The following GNAI1 variants were observed in gnomAD, a reference collection of about 807,000 sequenced individuals.
GNAI1 encodes guanine nucleotide-binding protein G(i) subunit alpha-1.
GNAI1 carries 11 observed loss-of-function variants against 38.9 expected under a neutral mutation model. The observed-to-expected ratio is 0.28, with a 90% CI of 0.18 to 0.47. The LOEUF is 0.47. Among genes scored for constraint, GNAI1 ranks in the 20% least tolerant of loss-of-function variants. GNAI1 has a pLI of 0.99. For missense variants in GNAI1, 317 were observed against 436.9 expected, an observed-to-expected ratio of 0.73 and a Z score of 2.45; for synonymous variants, 166 against 145.1, an observed-to-expected ratio of 1.14 and a Z score of -1.04.
In GNAI1 at chr7:80,218,555, T is replaced by A. The variant is rs544386672; in HGVS notation, c.*1062T>A. 6.6e-6 allele frequency: 1 copy of A among 152,144 alleles called. No individual in the cohort carries two copies. Among genetic ancestry groups the A allele is most frequent in the Non-Finnish European group, 1.5e-5 (1 of 67,994 alleles). The allele number at this position is 152,144 out of a possible 1,614,324, so 9.4% of individuals were successfully genotyped here. A position where few individuals can be genotyped will look rare whatever the true frequency, so the allele number is the denominator to read the frequency against. ...ACATGATAGCTCCTTGTTGGGAAGATAACAAGAAGGATCTTTGAATACTCT... is the reference window on the plus strand; with the variant it reads ...ACATGATAGCTCCTTGTTGGGAAGAAAACAAGAAGGATCTTTGAATACTCT... On this transcript the variant is annotated 3_prime_UTR_variant, in exon 8 of 8. Coordinates refer to ENST00000649796, the MANE Select transcript of GNAI1 (RefSeq NM_002069.6).
At chr7:80,177,821 T>C (rs969756436) in intron 1 of GNAI1, among the ~76,000 whole-genome samples, 25 of 152,212 alleles carry the variant, frequency 1.6e-4, no homozygotes, top group African/African-American at 5.8e-4. Flanking sequence ...CTGCAGCTTA[T>C]GATCAGGAAG....
intron 1 of GNAI1, among the ~76,000 whole-genome samples, chr7:80,142,742 T>G (rs1787548325): frequency 6.6e-6 from 1 of 152,220 alleles, no homozygotes; most frequent in Non-Finnish European, 1.5e-5. Context: ...TATATCTTGC[T>G]GGTTTAGAGT....
At chr7:80,181,906 C>G (rs11983471) in intron 1 of GNAI1, among the ~76,000 whole-genome samples, 12,625 of 152,140 alleles carry the variant, frequency 0.083, 1,316 homozygotes, top group African/African-American at 0.25. Context: ...AAGATCTACT[C>G]TGTTAGTAGT....
At chr7:80,150,958 T>TG (rs1170107915) in intron 1 of GNAI1, among the ~76,000 whole-genome samples, 2 of 152,296 alleles carry the variant, frequency 1.3e-5, no homozygotes, top group African/African-American at 4.8e-5. Context: ...TCCTCCAGAA[T>TG]GACAGCTTTG....
At chr7:80,204,949 C>CT (rs1788748551) in intron 5 of GNAI1, among the ~76,000 whole-genome samples, 1 of 151,860 alleles carries the variant, frequency 6.6e-6, no homozygotes, top group African/African-American at 2.4e-5. Flanking sequence ...TCCTTTTTTG[C>CT]TTCTTAGTAT....
At chr7:80,211,997 T>C (rs10237963) in intron 6 of GNAI1, among the ~76,000 whole-genome samples, 141,015 of 152,152 alleles carry the variant, frequency 0.93, 65,439 homozygotes, top group East Asian at 1. Flanking sequence ...AGAAAGCCAC[T>C]TTTTCCTATG....
At chr7:80,169,350 G>A (rs1788064469) in intron 1 of GNAI1, among the ~76,000 whole-genome samples, 1 of 152,090 alleles carries the variant, frequency 6.6e-6, no homozygotes, top group African/African-American at 2.4e-5. Flanking sequence ...TGTATTTCTA[G>A]TATCATTTTA....
rs67345654 is a variant in GNAI1 at position 80,222,382 on chromosome 7, A to ATTTTTT, written c.*4903_*4908dup. On this transcript the variant is annotated 3_prime_UTR_variant, in exon 8 of 8. Coordinates refer to ENST00000649796, the MANE Select transcript of GNAI1 (RefSeq NM_002069.6). ...TGAAGGAGCTAGTTCTTCAAATTTA[A>ATTTTTT]TTTTTTTTTTTTTTTTTTTCCTGAG... is the stretch of plus-strand genomic sequence containing the variant. 8.8e-4 allele frequency among the ~76,000 whole-genome samples: 113 copies of ATTTTTT among 127,850 alleles called. 3 individuals are homozygous for ATTTTTT. Among genetic ancestry groups the ATTTTTT allele is most frequent in the African/African-American group, 1.5e-3 (52 of 33,818 alleles). The allele number at this position is 127,850 out of a possible 152,430, so 83.9% of individuals were successfully genotyped here. A position where few individuals can be genotyped will look rare whatever the true frequency, so the allele number is the denominator to read the frequency against.
At position 80,217,394 on chromosome 7, in the gene GNAI1, C is replaced by G; in HGVS notation, c.966C>G (p.His322Gln). Reference protein sequence around the residue: ...KRKDTKEIYTHFTCATDTKNV... With the variant: ...KRKDTKEIYTQFTCATDTKNV... ...AGGACACAAAGGAAATATACACCCA[C>G]TTCACATGTGCCACAGATACTAAGA... Residue 322 changes from histidine (H) to glutamine (Q), a missense_variant, in exon 8 of 8, where the codon CAC (histidine) becomes CAG (glutamine). Physicochemically the swap from His to Gln is conservative, Grantham distance 24. Transcript: ENST00000649796. 1 of 1,605,598 alleles carries G rather than the reference C, an allele frequency of 6.2e-7. No individual in the cohort carries two copies. The highest frequency in any genetic ancestry group is 8.5e-7 in the Non-Finnish European group (1 of 1,173,612).
At chr7:80,188,866 G>A in intron 1 of GNAI1, 85 bp from the exon 2 acceptor site, 1 of 811,424 alleles carries the variant, frequency 1.2e-6, no homozygotes, top group Non-Finnish European at 2.1e-6. Context: ...GTGTGTGTGT[G>A]TGTGTGTGTG....
intron 5 of GNAI1, among the ~76,000 whole-genome samples, chr7:80,208,601 A>G (rs1182060806): frequency 2.0e-5 from 3 of 152,184 alleles, no homozygotes; most frequent in Non-Finnish European, 4.4e-5. Context: ...TTTGAGAACC[A>G]CTAGCTTAGA....
Position 80,139,905 on chromosome 7 carries a change from T to A in GNAI1, c.118+4627T>A, listed in dbSNP as rs1229118232. 7.9e-5 allele frequency among the ~76,000 whole-genome samples: 7 copies of A among 88,688 alleles called. No homozygotes were observed. The Admixed American group carries it at 1.1e-3, about 14-fold the overall frequency. 58.2% of individuals were successfully genotyped at this position (88,688 alleles called of 152,430 possible). A position where few individuals can be genotyped will look rare whatever the true frequency, so the allele number is the denominator to read the frequency against. On this transcript the variant is annotated intron_variant, in intron 1 of 7. Transcript: ENST00000649796. The stretch of plus-strand genomic sequence containing the variant: ...ATGTTGCAATTATGGCACTTTGCCC[T>A]GCAATTTTTTTTTTTTTTTTTTTTT...
chr7:80,154,338 A>G (rs1787780449), intron 1 of GNAI1, among the ~76,000 whole-genome samples: 1 of 152,158 alleles, frequency 6.6e-6, no homozygotes, highest in African/African-American at 2.4e-5. Flanking sequence ...TTAATGGTGT[A>G]TTTTTAAGCT....
intron 1 of GNAI1, among the ~76,000 whole-genome samples, chr7:80,168,599 G>A (rs1788052183): frequency 1.3e-5 from 2 of 152,110 alleles, no homozygotes; most frequent in Admixed American, 6.5e-5. Context: ...TGTTAGCCAG[G>A]ATGGTCTCGA....
intron 1 of GNAI1, among the ~76,000 whole-genome samples, chr7:80,159,389 C>T (rs539813260): frequency 5.9e-5 from 9 of 152,122 alleles, no homozygotes; most frequent in African/African-American, 1.9e-4. Context: ...AGAAAAGCCT[C>T]ATTTCTAGGT....
At chr7:80,141,702 T>C (rs1477769926) in intron 1 of GNAI1, among the ~76,000 whole-genome samples, 1 of 152,236 alleles carries the variant, frequency 6.6e-6, no homozygotes, top group East Asian at 1.9e-4. Context: ...TCATTTCATA[T>C]TCTTTTACTT....
intron 5 of GNAI1, among the ~76,000 whole-genome samples, chr7:80,206,122 T>TA (rs1366172945): frequency 6.6e-6 from 1 of 152,106 alleles, no homozygotes; most frequent in Non-Finnish European, 1.5e-5. Context: ...TTAAATTTAA[T>TA]ACATTTGTTA....
chr7:80,188,452 T>G (rs570682065), intron 1 of GNAI1, among the ~76,000 whole-genome samples: 1 of 152,344 alleles, frequency 6.6e-6, no homozygotes, highest in African/African-American at 2.4e-5. Flanking sequence ...TTGATTGACT[T>G]TAAGTATATG....
Position 80,189,465 on chromosome 7 carries a change from T to C in GNAI1, c.303+234T>C, listed in dbSNP as rs545449798. On this transcript the variant is annotated intron_variant, in intron 3 of 7. Transcript: ENST00000649796. ...TTATCCATTAGATGATTTGGACAAC[T>C]GAATAATCACCACAGTGCTTTCTGT... Among the ~76,000 whole-genome samples the C allele has an allele frequency of 7.2e-5, 11 of 152,328 alleles. No homozygotes were observed. In the South Asian group the frequency reaches 2.3e-3, roughly 32 times the overall value.
Sources: allele counts gnomAD v4.1 joint callset (sites outside exome capture counted in the v4.1 genomes callset), GRCh38; gene constraint gnomAD v4.1.1; transcripts MANE v1.5; gene names NCBI Gene and HGNC (gene_info 2026-07-23, HGNC 2026-07-21).